ZSWIM6: variants seen among roughly 807,000 people sequenced by gnomAD.
ZSWIM6 encodes zinc finger SWIM-type containing 6.
In ZSWIM6, 9 loss-of-function variants were observed where a neutral mutation model predicts 113.2. The observed-to-expected ratio is 0.08, with a 90% CI of 0.05 to 0.14. The LOEUF is 0.14. Among genes scored for constraint, ZSWIM6 ranks in the 10% least tolerant of loss-of-function variants. The pLI is 1.00. For missense variants in ZSWIM6, 1,162 were observed against 1,552.2 expected, an observed-to-expected ratio of 0.75 and a Z score of 4.22; for synonymous variants, 611 against 606.5, an observed-to-expected ratio of 1.01 and a Z score of -0.11.
At chr5:61,366,337 G>C (rs1423112218) in intron 1 of ZSWIM6, among the ~76,000 whole-genome samples, 1 of 152,194 alleles carries the variant, frequency 6.6e-6, no homozygotes, top group African/African-American at 2.4e-5. Context: ...TGGGATAGTG[G>C]CCGTGCCACG....
chr5:61,442,322 C>A (rs1376938922), intron 1 of ZSWIM6, among the ~76,000 whole-genome samples: 2 of 152,086 alleles, frequency 1.3e-5, no homozygotes, highest in Non-Finnish European at 2.9e-5. Context: ...GACAGTTGGG[C>A]CAGTTTCGGT....
At chr5:61,514,028 A>G (rs1748866279) in intron 4 of ZSWIM6, among the ~76,000 whole-genome samples, 1 of 152,140 alleles carries the variant, frequency 6.6e-6, no homozygotes, top group Non-Finnish European at 1.5e-5. Flanking sequence ...TTTGGGGAAA[A>G]TTGACATGTT....
chr5:61,443,014 A>C (rs1220043545), intron 1 of ZSWIM6, among the ~76,000 whole-genome samples: 1 of 152,196 alleles, frequency 6.6e-6, no homozygotes, highest in Non-Finnish European at 1.5e-5. Context: ...GCTTCATACT[A>C]GGTTAGCAAT....
At chr5:61,411,621 A>G (rs568267318) in intron 1 of ZSWIM6, among the ~76,000 whole-genome samples, 1 of 152,340 alleles carries the variant, frequency 6.6e-6, no homozygotes, top group East Asian at 1.9e-4. Context: ...AACCATACAA[A>G]TTTATTTGTC....
chr5:61,470,709 GATT>G (rs1561250778), intron 1 of ZSWIM6, among the ~76,000 whole-genome samples: 1 of 152,076 alleles, frequency 6.6e-6, no homozygotes, highest in Admixed American at 6.5e-5. Context: ...AAAAACCAAA[GATT>G]ATTATATGAC....
chr5:61,521,028 G>C (rs1178182449), intron 4 of ZSWIM6, among the ~76,000 whole-genome samples: 1 of 152,056 alleles, frequency 6.6e-6, no homozygotes, highest in Non-Finnish European at 1.5e-5. Flanking sequence ...TAAACTCTCT[G>C]TGGGATTTGT....
intron 1 of ZSWIM6, among the ~76,000 whole-genome samples, chr5:61,368,315 T>A (rs1045979606): frequency 6.6e-6 from 1 of 152,232 alleles, no homozygotes; most frequent in Non-Finnish European, 1.5e-5. Context: ...TTAAGATAGA[T>A]ATTTTAAAAT....
rs373920532 is a variant in ZSWIM6 at position 61,426,770 on chromosome 5, A to G, written c.677-45911A>G. 5.3e-5 allele frequency among the ~76,000 whole-genome samples: 8 copies of G among 151,998 alleles called. No homozygotes were observed. The East Asian group carries it at 1.2e-3, about 22-fold the overall frequency. Reference sequence around the variant, plus strand: ...AATAGCATGCCCACCTTTTTCTAATAGAACATTTCTTATTTGGGAATTTTC... The same window carrying G: ...AATAGCATGCCCACCTTTTTCTAATGGAACATTTCTTATTTGGGAATTTTC... On this transcript the variant is annotated intron_variant, in intron 1 of 13. Coordinates refer to ENST00000252744, the MANE Select transcript of ZSWIM6 (RefSeq NM_020928.2).
At chr5:61,446,212 A>G (rs1013370945) in intron 1 of ZSWIM6, among the ~76,000 whole-genome samples, 3 of 152,142 alleles carry the variant, frequency 2.0e-5, no homozygotes, top group African/African-American at 7.2e-5. Flanking sequence ...TTTAGTAGAG[A>G]CGGGGTTTCA....
Position 61,346,158 on chromosome 5 carries a change from C to T in ZSWIM6, c.676+13210C>T, listed in dbSNP as rs186917991. ...AGAGACGGGGTTTCACCATGTTGGCCAGGCTGGTCTCGAACTCCTGACCTC... is the reference window on the plus strand; with the variant it reads ...AGAGACGGGGTTTCACCATGTTGGCTAGGCTGGTCTCGAACTCCTGACCTC... On this transcript the variant is annotated intron_variant, in intron 1 of 13. Coordinates refer to ENST00000252744, the MANE Select transcript of ZSWIM6 (RefSeq NM_020928.2). Among the ~76,000 whole-genome samples, 20 of 152,180 alleles carry T rather than the reference C, an allele frequency of 1.3e-4. 1 individual carries two copies.
At chr5:61,498,812 T>A (rs1315945389) in intron 4 of ZSWIM6, among the ~76,000 whole-genome samples, 1 of 152,164 alleles carries the variant, frequency 6.6e-6, no homozygotes, top group Admixed American at 6.6e-5. Flanking sequence ...TTAAGTAATT[T>A]AGGACAATCT....
intron 2 of ZSWIM6, among the ~76,000 whole-genome samples, chr5:61,483,626 TGG>T (rs1747937308): frequency 2.6e-5 from 4 of 151,488 alleles, no homozygotes; most frequent in Non-Finnish European, 5.9e-5. Context: ...CCCAGCACTT[TGG>T]GAGGCCGAGG....
chr5:61,356,926 CTATCCAGTT>C (rs1450678108), intron 1 of ZSWIM6, among the ~76,000 whole-genome samples: 6 of 150,406 alleles, frequency 4.0e-5, no homozygotes, highest in African/African-American at 1.5e-4. Flanking sequence ...TTGGATTTTA[CTATCCAGTT>C]TATAAAAAGG....
intron 1 of ZSWIM6, among the ~76,000 whole-genome samples, chr5:61,354,645 G>A (rs1012182499): frequency 1.1e-4 from 17 of 152,166 alleles, no homozygotes; most frequent in African/African-American, 3.9e-4. Flanking sequence ...TTTTTGAGGG[G>A]TTCATAAGTT....
chr5:61,512,645 A>AT (rs909576910), intron 4 of ZSWIM6, among the ~76,000 whole-genome samples: 2 of 151,972 alleles, frequency 1.3e-5, no homozygotes, highest in African/African-American at 2.4e-5. Flanking sequence ...CAGGTTAAAA[A>AT]TTTTTTTTAT....
At chr5:61,353,906 A>G (rs56035042) in intron 1 of ZSWIM6, among the ~76,000 whole-genome samples, 33,616 of 152,166 alleles carry the variant, frequency 0.22, 3,968 homozygotes, top group South Asian at 0.31. Flanking sequence ...ACTGGAAGGC[A>G]CAACTTCGAG....
At chr5:61,457,601 A>G (rs1373569336) in intron 1 of ZSWIM6, among the ~76,000 whole-genome samples, 2 of 151,936 alleles carry the variant, frequency 1.3e-5, no homozygotes, top group African/African-American at 4.8e-5. Context: ...GGCTCACTAC[A>G]TCCTCTGCCT....
Position 61,472,484 on chromosome 5 carries a change from CA to C in ZSWIM6, c.677-196del, listed in dbSNP as rs1747596213. ...ATACTTCAGCATATCAGTTGAATAC[CA>C]TTTATTTATTTTTCTTTTTTTACCT... On this transcript the variant is annotated intron_variant, in intron 1 of 13. Transcript: ENST00000252744. The surrounding 1 kb of genome is among the most constrained non-coding windows in gnomAD (Gnocchi z 4.1). Among the ~76,000 whole-genome samples the C allele has an allele frequency of 6.6e-6, 1 of 152,026 alleles. No individual in the cohort carries two copies. Among genetic ancestry groups the C allele is most frequent in the Non-Finnish European group, 1.5e-5 (1 of 68,012 alleles).
At chr5:61,438,160 CAAAT>C (rs986704596) in intron 1 of ZSWIM6, among the ~76,000 whole-genome samples, 1 of 152,010 alleles carries the variant, frequency 6.6e-6, no homozygotes, top group African/African-American at 2.4e-5. Flanking sequence ...CATTCAGTAA[CAAAT>C]ATTGTCAGAG....
Sources: gnomAD v4.1 joint callset for allele counts (sites outside exome capture counted in the v4.1 genomes callset) on GRCh38, gnomAD v4.1.1 for gene constraint, Gnocchi (gnomAD v3.1) non-coding constraint, MANE v1.5 for transcripts, NCBI Gene and HGNC (gene_info 2026-07-23, HGNC 2026-07-21) for gene names.